The following PNPLA3 variants were observed in gnomAD, a reference collection of about 807,000 sequenced individuals.
PNPLA3 encodes patatin like domain 3, 1-acylglycerol-3-phosphate O-acyltransferase.
In PNPLA3, 42 loss-of-function variants were observed where a neutral mutation model predicts 43.1. The ratio of observed to expected loss-of-function variants is 0.97; its 90% confidence interval spans 0.76 to 1.26. PNPLA3 has a LOEUF of 1.26. Ranked by LOEUF, PNPLA3 falls within the 50% of genes most tolerant of loss-of-function variation. PNPLA3 has a pLI of 0.00. For synonymous variants in PNPLA3, 272 were observed against 253.6 expected (o/e 1.07, Z -0.69); for missense variants, 647 against 621.4 (o/e 1.04, Z -0.44).
chr22:43,941,061 G>A (rs1264979212), intron 7 of PNPLA3, among the ~76,000 whole-genome samples: 1 of 147,054 alleles, frequency 6.8e-6, no homozygotes, highest in Non-Finnish European at 1.5e-5. Flanking sequence ...ATTGCTTGAA[G>A]CAGGACCTAG....
rs1165790038 is a variant in PNPLA3, at chr22:43,924,053, G to T, written c.142G>T (p.Ala48Ser). The T allele has an allele frequency of 1.3e-6, 2 of 1,579,018 alleles. No homozygotes were observed. The highest frequency in any genetic ancestry group is 1.7e-6 in the Non-Finnish European group (2 of 1,171,918). The change falls in exon 1 of 9, where the codon GCC becomes TCC. Residue 48 changes from alanine to serine, a missense_variant. By Grantham distance (99) the Ala-to-Ser change is moderately conservative. Transcript: ENST00000216180. ...RDARMLFGASAGALHCVGVLS... is the reference protein window; with the variant it reads ...RDARMLFGASSGALHCVGVLS... Reference sequence around the variant, plus strand: ...CGCGCGCATGTTGTTCGGCGCTTCGGCCGGGGCGTTGCACTGCGTCGGCGT... The same window carrying T: ...CGCGCGCATGTTGTTCGGCGCTTCGTCCGGGGCGTTGCACTGCGTCGGCGT...
chr22:43,942,276 C>T (rs2050035673), intron 7 of PNPLA3, among the ~76,000 whole-genome samples: 1 of 152,168 alleles, frequency 6.6e-6, no homozygotes, highest in Admixed American at 6.5e-5. Context: ...GGATCTGTAG[C>T]TTCATTTTTC....
chr22:43,938,689 G>C lies in PNPLA3; in HGVS notation c.980-1304G>C, dbSNP rs148417672. On this transcript the variant is annotated intron_variant, in intron 6 of 8. Transcript: ENST00000216180. ...CCATCAGGCTCCGCCTCCAACACTG[G>C]GAATTACAATTTGACATGAGATGTG... is the stretch of plus-strand genomic sequence containing the variant. Among the ~76,000 whole-genome samples the C allele has an allele frequency of 8.5e-5, 13 of 152,284 alleles. No homozygotes were observed. The East Asian group carries it at 2.3e-3, about 27-fold the overall frequency.
chr22:43,928,911 G>C (rs1201336228), intron 3 of PNPLA3, 22 bp downstream of exon 3: 1 of 1,594,500 alleles, frequency 6.3e-7, no homozygotes, highest in East Asian at 2.2e-5. Context: ...TTCTCTGCTA[G>C]CGCTGAGTCC....
chr22:43,925,354 C>T (rs1276588806), intron 1 of PNPLA3, among the ~76,000 whole-genome samples: 2 of 152,004 alleles, frequency 1.3e-5, no homozygotes, highest in African/African-American at 4.8e-5. Flanking sequence ...TGGTATGCTT[C>T]CTGGGAATTT....
At chr22:43,939,421 T>A in intron 6 of PNPLA3, 1 of 978,706 alleles carries the variant, frequency 1.0e-6, no homozygotes, top group Non-Finnish European at 1.2e-6. Context: ...ATTTGTCAAT[T>A]TAAAGGAGCT....
intron 5 of PNPLA3, among the ~76,000 whole-genome samples, chr22:43,935,040 G>A (rs746366963): frequency 2.0e-5 from 3 of 152,060 alleles, no homozygotes; most frequent in Non-Finnish European, 2.9e-5. Flanking sequence ...GAGTTTCTGC[G>A]CCTGGACCCC....
intron 3 of PNPLA3, among the ~76,000 whole-genome samples, chr22:43,929,254 T>G (rs558487745): frequency 1.2e-4 from 19 of 152,184 alleles, no homozygotes; most frequent in Non-Finnish European, 2.2e-4. Context: ...AGCAGGCAGA[T>G]CACTTGAGGT....
chr22:43,938,832 A>C (rs2050012848), intron 6 of PNPLA3, among the ~76,000 whole-genome samples: 1 of 152,242 alleles, frequency 6.6e-6, no homozygotes, highest in South Asian at 2.1e-4. Flanking sequence ...GGAATCCAGC[A>C]GAGGGTCAAG....
intron 1 of PNPLA3, among the ~76,000 whole-genome samples, chr22:43,925,032 G>A (rs879682831): frequency 6.6e-6 from 1 of 151,982 alleles, no homozygotes; most frequent in African/African-American, 2.4e-5. Context: ...TCCAGGGCAG[G>A]CTAACTGGAG....
chr22:43,926,963 T>C lies in PNPLA3; in HGVS notation c.216T>C (p.Leu72=), dbSNP rs147412464. The change falls in exon 2 of 9, where the codon CTT becomes CTC. Residue 72 remains leucine, a synonymous_variant. Transcript: ENST00000216180. ...AGACTCTGCAGGTCCTCTCAGATCT[T>C]GTGCGGAAGGCCAGGAGTCGGAACA... ...LEQTLQVLSD[L]VRKARSRNIG... is the part of the protein sequence containing the mutation. 356 of 1,614,250 alleles carry C rather than the reference T, an allele frequency of 2.2e-4. 2 individuals carry two copies. The East Asian group carries it at 7.8e-3, about 35-fold the overall frequency.
At chr22:43,925,803 G>A (rs2049918328) in intron 1 of PNPLA3, among the ~76,000 whole-genome samples, 1 of 152,210 alleles carries the variant, frequency 6.6e-6, no homozygotes, top group Non-Finnish European at 1.5e-5. Context: ...ATCCCAAGGT[G>A]GCCTGTGGAC....
intron 2 of PNPLA3, 100 bp downstream of exon 2, chr22:43,927,267 A>C (rs1203807065): frequency 1.9e-5 from 21 of 1,083,952 alleles, no homozygotes; most frequent in Non-Finnish European, 2.7e-5. Context: ...GGGAGGCCGA[A>C]GCGGGTGGGT....
chr22:43,927,153 G>C lies in PNPLA3; in HGVS notation c.406G>C (p.Asp136His), dbSNP rs749773774. 1.1e-5 allele frequency: 18 copies of C among 1,613,976 alleles called. No homozygotes were observed. The highest frequency in any genetic ancestry group is 1.5e-5 in the Non-Finnish European group (18 of 1,179,952). Residue 136 changes from aspartate (D) to histidine (H), a missense_variant, in exon 2 of 9, where the codon GAC (aspartate) becomes CAC (histidine). By Grantham distance (81) the Asp-to-His change is moderately conservative. Transcript: ENST00000216180. Reference protein sequence around the residue: ...NVLVSDFRSKDEVVDALVCSC... With the variant: ...NVLVSDFRSKHEVVDALVCSC... ...TCTGGTGTCTGACTTTCGGTCCAAAGACGAAGTCGTGGATGTAAGCAGTTT... is the reference window on the plus strand; with the variant it reads ...TCTGGTGTCTGACTTTCGGTCCAAACACGAAGTCGTGGATGTAAGCAGTTT...
chr22:43,932,848 G>C, intron 3 of PNPLA3, 30 bp from the exon 4 acceptor site: 2 of 1,602,188 alleles, frequency 1.2e-6, no homozygotes, highest in South Asian at 2.2e-5. Flanking sequence ...GCTTCAGACA[G>C]TGCCAGTCCT....
At chr22:43,938,608 C>G (rs2050011187) in intron 6 of PNPLA3, among the ~76,000 whole-genome samples, 1 of 152,226 alleles carries the variant, frequency 6.6e-6, no homozygotes, top group African/African-American at 2.4e-5. Flanking sequence ...AGAACACATT[C>G]ACTATCAAGA....
intron 1 of PNPLA3, chr22:43,924,421 G>C: frequency 3.0e-6 from 1 of 335,782 alleles, no homozygotes; most frequent in Non-Finnish European, 5.4e-6. Flanking sequence ...GTCTCGGAGC[G>C]ACGGGGAGTA....
At chr22:43,930,367 C>G (rs952254218) in intron 3 of PNPLA3, among the ~76,000 whole-genome samples, 1 of 152,176 alleles carries the variant, frequency 6.6e-6, no homozygotes, top group African/African-American at 2.4e-5. Flanking sequence ...GGATAGTGGT[C>G]CACGGAGCCA....
chr22:43,944,650 T>G, intron 7 of PNPLA3, 41 bp from the exon 8 acceptor site: 1 of 1,522,980 alleles, frequency 6.6e-7, no homozygotes, highest in Non-Finnish European at 9.1e-7. Flanking sequence ...CTGTTGTGTC[T>G]GCCTATGTGT....
Sources: gnomAD v4.1 joint callset for allele counts (sites outside exome capture counted in the v4.1 genomes callset) on GRCh38, gnomAD v4.1.1 for gene constraint, MANE v1.5 for transcripts, NCBI Gene and HGNC (gene_info 2026-07-23, HGNC 2026-07-21) for gene names.